Variants in ENTREP2 observed in about 807,000 individuals in gnomAD.
The protein encoded by ENTREP2 is endosomal transmembrane epsin interactor 2.
At chr15:29,637,799 G>A in the ENTREP2 span, among the ~76,000 whole-genome samples, 1 of 152,200 alleles carries the variant, frequency 6.6e-6, no homozygotes, top group Non-Finnish European at 1.5e-5. Context: ...GTATGAGAGG[G>A]AAGTGTGCAG....
At chr15:29,601,215 T>C in the ENTREP2 span, among the ~76,000 whole-genome samples, 1 of 150,600 alleles carries the variant, frequency 6.6e-6, no homozygotes, top group Non-Finnish European at 1.5e-5. Context: ...CAATGATACG[T>C]TCTAATGCTT....
the ENTREP2 span, among the ~76,000 whole-genome samples, chr15:29,442,348 C>T: frequency 6.6e-5 from 10 of 152,312 alleles, no homozygotes; most frequent in Admixed American, 3.3e-4. Context: ...TTGGGAAGAC[C>T]GTGTGCAACT....
the ENTREP2 span, among the ~76,000 whole-genome samples, chr15:29,604,593 A>G: frequency 6.6e-6 from 1 of 152,242 alleles, no homozygotes; most frequent in Non-Finnish European, 1.5e-5. Flanking sequence ...ATATCTAGCA[A>G]TAACAAAAAT....
At chr15:29,430,748 G>A in the ENTREP2 span, among the ~76,000 whole-genome samples, 3 of 152,118 alleles carry the variant, frequency 2.0e-5, no homozygotes, top group Non-Finnish European at 4.4e-5. Flanking sequence ...CCATCACTCG[G>A]TAAAACAAGG....
At chr15:29,425,743 C>A in the ENTREP2 span, among the ~76,000 whole-genome samples, 2 of 151,700 alleles carry the variant, frequency 1.3e-5, no homozygotes, top group African/African-American at 2.4e-5. Context: ...ATTTTCTAAC[C>A]AAAATTTTAA....
chr15:29,517,301 A>G, the ENTREP2 span, among the ~76,000 whole-genome samples: 7 of 152,198 alleles, frequency 4.6e-5, no homozygotes, highest in African/African-American at 1.7e-4. Context: ...CTCAACTGTT[A>G]GAATAATTCT....
chr15:29,223,941 C>T, the ENTREP2 span, among the ~76,000 whole-genome samples: 2 of 152,180 alleles, frequency 1.3e-5, no homozygotes, highest in Non-Finnish European at 2.9e-5. Flanking sequence ...CAGCTCGCGC[C>T]CAGCTCTGCC....
At chr15:29,126,213 A>G in the ENTREP2 span, 4 of 1,361,684 alleles carry the variant, frequency 2.9e-6, no homozygotes, top group Non-Finnish European at 3.9e-6. Context: ...GACCTGCAGC[A>G]TCCAAGGAAA....
chr15:29,588,393 G>A, the ENTREP2 span, among the ~76,000 whole-genome samples: 1 of 151,866 alleles, frequency 6.6e-6, no homozygotes, highest in African/African-American at 2.4e-5. Flanking sequence ...GCTTGAACCT[G>A]GGAGGCCGGG....
chr15:29,314,907 C>G, the ENTREP2 span, among the ~76,000 whole-genome samples: 1 of 152,070 alleles, frequency 6.6e-6, no homozygotes, highest in Admixed American at 6.6e-5. Flanking sequence ...CAAAAATTAG[C>G]CAGGTGTGGT....
chr15:29,378,746 T>A, the ENTREP2 span, among the ~76,000 whole-genome samples: 1 of 151,978 alleles, frequency 6.6e-6, no homozygotes, highest in Non-Finnish European at 1.5e-5. Context: ...TATATACATA[T>A]ACATACATAT....
chr15:29,160,708 CAAAAAAAAAA>C, the ENTREP2 span, among the ~76,000 whole-genome samples: 3 of 36,266 alleles, frequency 8.3e-5, no homozygotes, highest in Non-Finnish European at 1.7e-4. Flanking sequence ...GACTCTGTCT[CAAAAAAAAAA>C]AAAAAAAAAA....
the ENTREP2 span, among the ~76,000 whole-genome samples, chr15:29,616,909 A>G: frequency 6.6e-6 from 1 of 152,096 alleles, no homozygotes; most frequent in South Asian, 2.1e-4. Flanking sequence ...AAAATACAAA[A>G]ATTAGCCAGG....
At chr15:29,672,907 G>T in the ENTREP2 span, among the ~76,000 whole-genome samples, 4 of 152,140 alleles carry the variant, frequency 2.6e-5, no homozygotes, top group African/African-American at 9.7e-5. Flanking sequence ...CATCAAGTTG[G>T]TGACTCCATA....
At chr15:29,278,486 T>A in the ENTREP2 span, among the ~76,000 whole-genome samples, 2 of 152,198 alleles carry the variant, frequency 1.3e-5, no homozygotes, top group Non-Finnish European at 2.9e-5. Context: ...GCTGCCAGGC[T>A]TCAAGGTTGG....
the ENTREP2 span, among the ~76,000 whole-genome samples, chr15:29,494,606 C>G: frequency 6.6e-6 from 1 of 152,292 alleles, no homozygotes; most frequent in East Asian, 1.9e-4. Flanking sequence ...CATTAGGTCT[C>G]CAAAACTAAC....
At chr15:29,281,011 T>TCA in the ENTREP2 span, among the ~76,000 whole-genome samples, 1 of 152,212 alleles carries the variant, frequency 6.6e-6, no homozygotes, top group Non-Finnish European at 1.5e-5. Flanking sequence ...CTTGAGCTGT[T>TCA]CAATTGTTTA....
chr15:29,531,007 G>A, the ENTREP2 span, among the ~76,000 whole-genome samples: 4 of 152,176 alleles, frequency 2.6e-5, no homozygotes, highest in Admixed American at 1.3e-4. Context: ...TGGGACCAAT[G>A]ACGGAGAGAA....
chr15:29,272,824 C>T, the ENTREP2 span, among the ~76,000 whole-genome samples: 1 of 152,278 alleles, frequency 6.6e-6, no homozygotes, highest in East Asian at 1.9e-4. Flanking sequence ...GAGTTTTCAG[C>T]CCTCTGACAT....
Sources: allele counts gnomAD v4.1 joint callset (sites outside exome capture counted in the v4.1 genomes callset), GRCh38; gene constraint gnomAD v4.1.1; transcripts MANE v1.5; gene names NCBI Gene and HGNC (gene_info 2026-07-23, HGNC 2026-07-21).